Variants in ADGRA2 observed in about 807,000 individuals in gnomAD.
ADGRA2 encodes the protein adhesion G protein-coupled receptor A2, also known as G-protein coupled receptor 124.
Under a neutral mutation model 98.7 loss-of-function variants are expected in ADGRA2, and 61 were observed. That is an observed-to-expected ratio of 0.62 (90% CI 0.50 to 0.76). The LOEUF is 0.76. ADGRA2 is among the 30% of genes least tolerant of loss of function. The pLI is 0.00. For synonymous variants in ADGRA2, 858 were observed against 831.5 expected, an observed-to-expected ratio of 1.03 and a Z score of -0.55; for missense variants, 1,712 against 1,860.0, an observed-to-expected ratio of 0.92 and a Z score of 1.46.
chr8:37,839,184 C>T, intron 15 of ADGRA2, 101 bp downstream of exon 15: 1 of 1,494,842 alleles, frequency 6.7e-7, no homozygotes, highest in South Asian at 1.1e-5. Context: ...CTTTCAATTC[C>T]AGCTTTGCAA....
intron 1 of ADGRA2, among the ~76,000 whole-genome samples, chr8:37,810,581 T>C (rs989028330): frequency 2.0e-5 from 3 of 151,968 alleles, no homozygotes; most frequent in African/African-American, 7.2e-5. Context: ...CACTGCAGCC[T>C]CAAACTCCTG....
At chr8:37,801,962 C>G (rs1480072182) in intron 1 of ADGRA2, among the ~76,000 whole-genome samples, 3 of 152,244 alleles carry the variant, frequency 2.0e-5, no homozygotes, top group Non-Finnish European at 4.4e-5. Flanking sequence ...TTCCCCAGAA[C>G]AGGCAAACCC....
intron 2 of ADGRA2, among the ~76,000 whole-genome samples, chr8:37,825,287 C>A (rs1304554635): frequency 1.3e-5 from 2 of 152,088 alleles, no homozygotes; most frequent in Non-Finnish European, 2.9e-5. Context: ...GTCGTCCAGG[C>A]TGGCGTGCAG....
At chr8:37,807,816 T>A (rs567776466) in intron 1 of ADGRA2, among the ~76,000 whole-genome samples, 18 of 152,250 alleles carry the variant, frequency 1.2e-4, no homozygotes, top group Non-Finnish European at 2.6e-4. Flanking sequence ...CTAGGGAGTA[T>A]GGATATCCCA....
At chr8:37,801,353 C>T (rs1046508455) in intron 1 of ADGRA2, among the ~76,000 whole-genome samples, 1 of 152,184 alleles carries the variant, frequency 6.6e-6, no homozygotes, top group African/African-American at 2.4e-5. Flanking sequence ...TGCTTCTGAA[C>T]AGAGAGAGCA....
At chr8:37,818,978 G>C (rs780711688) in intron 2 of ADGRA2, among the ~76,000 whole-genome samples, 10 of 152,164 alleles carry the variant, frequency 6.6e-5, no homozygotes, top group Non-Finnish European at 1.3e-4. Flanking sequence ...GGAATGCCTG[G>C]GGAGTCTGAG....
At chr8:37,815,024 A>C (rs1009773304) in intron 2 of ADGRA2, 57 bp downstream of exon 2, 1,510 of 1,170,116 alleles carry the variant, frequency 1.3e-3, no homozygotes, top group Middle Eastern at 6.1e-3. Flanking sequence ...GCAAGAGGTC[A>C]CCCCGGGGAG....
Position 37,842,468 on chromosome 8 carries a change from C to A in ADGRA2, c.*113C>A, listed in dbSNP as rs1805837469. On this transcript the variant is annotated 3_prime_UTR_variant, in exon 19 of 19. Coordinates refer to ENST00000412232, the MANE Select transcript of ADGRA2 (RefSeq NM_032777.10). ...AGGTTGGAGGCAGAGGAGCCGATGG[C>A]TGGAGGAAGCCCACAGGCGGATGTT... 2 of 1,366,964 alleles carry A rather than the reference C, an allele frequency of 1.5e-6. No individual in the cohort carries two copies. The highest frequency in any genetic ancestry group is 1.9e-6 in the Non-Finnish European group (2 of 1,058,692). The allele number at this position is 1,366,964 out of a possible 1,614,324, so 84.7% of individuals were successfully genotyped here. A position where few individuals can be genotyped will look rare whatever the true frequency, so the allele number is the denominator to read the frequency against.
intron 1 of ADGRA2, among the ~76,000 whole-genome samples, chr8:37,804,100 G>GACAGAC (rs1804581590): frequency 9.3e-6 from 1 of 107,104 alleles, no homozygotes; most frequent in African/African-American, 3.7e-5. Flanking sequence ...CCCACGGTGA[G>GACAGAC]ACACACACAC....
chr8:37,838,858 C>T (rs1319860054), intron 14 of ADGRA2, 98 bp from the exon 15 acceptor site: 3 of 1,418,260 alleles, frequency 2.1e-6, no homozygotes, highest in Non-Finnish European at 2.9e-6. Flanking sequence ...CACCAAAGTG[C>T]AGGACCAAGG....
Position 37,839,061 on chromosome 8 carries a change from A to G in ADGRA2, c.2365A>G (p.Ile789Val). Reference protein sequence around the residue: ...LLLLCLFATIITYILNHSSIR... With the variant: ...LLLLCLFATIVTYILNHSSIR... ...GCTGCTCTGCCTCTTCGCCACCATC[A>G]TCACCTACATCCTCAACCACAGGTG... The change falls in exon 15 of 19, where the codon ATC (isoleucine) becomes GTC (valine). Residue 789 changes from isoleucine to valine, a missense_variant. Transcript: ENST00000412232. 6.2e-7 allele frequency: 1 copy of G among 1,609,442 alleles called. No individual in the cohort carries two copies. Among genetic ancestry groups the G allele is most frequent in the South Asian group, 1.1e-5 (1 of 90,200 alleles).
In ADGRA2 at chr8:37,814,725, G is replaced by A. The variant is rs138854247; in HGVS notation, c.267-171G>A. Among the ~76,000 whole-genome samples the A allele has an allele frequency of 6.6e-6, 1 of 152,314 alleles. No individual in the cohort carries two copies. The highest frequency in any genetic ancestry group is 2.4e-5 in the African/African-American group (1 of 41,572). Reference sequence around the variant, plus strand: ...GGTCTGACGTGGGGCTGGGTGGACCGTTGGCCAGCTTCTCCCTGTAATCTC... The same window carrying A: ...GGTCTGACGTGGGGCTGGGTGGACCATTGGCCAGCTTCTCCCTGTAATCTC... On this transcript the variant is annotated intron_variant, in intron 1 of 18. Coordinates refer to ENST00000412232, the MANE Select transcript of ADGRA2 (RefSeq NM_032777.10). The surrounding 1 kb of genome is among the most constrained non-coding windows in gnomAD (Gnocchi z 4.3).
rs1804927140 is a variant in ADGRA2, at chr8:37,814,650, A to C, written c.267-246A>C. Among the ~76,000 whole-genome samples, 2 of 152,210 alleles carry C rather than the reference A, an allele frequency of 1.3e-5. No homozygotes were observed. The highest frequency in any genetic ancestry group is 1.3e-4 in the Admixed American group (2 of 15,284). On this transcript the variant is annotated intron_variant, in intron 1 of 18. Transcript: ENST00000412232. The surrounding 1 kb of genome is among the most constrained non-coding windows in gnomAD (Gnocchi z 4.3). ...CCTGCTCAGCCCACCTCCCACCTGC[A>C]CACAGAGCCCCACGTCAGAGCCAGG...
intron 15 of ADGRA2, 63 bp downstream of exon 15, chr8:37,839,146 C>T (rs919054788): frequency 5.7e-6 from 9 of 1,583,596 alleles, no homozygotes; most frequent in South Asian, 1.1e-5. Context: ...CTACCCTGTC[C>T]ACTTCCCGTC....
rs1203446935 is a variant in ADGRA2 at position 37,834,183 on chromosome 8, CCT to C, written c.1608+59_1608+60del. On this transcript the variant is annotated intron_variant, in intron 11 of 18. Coordinates refer to ENST00000412232, the MANE Select transcript of ADGRA2 (RefSeq NM_032777.10). The surrounding 1 kb of genome is among the most constrained non-coding windows in gnomAD (Gnocchi z 4.2). ...TGGCATGCAGAGGAGGGAGGCGCTC[CCT>C]CTCAGGCGTGCACCTGCCGTGCCCC... The C allele has an allele frequency of 4.0e-6, 6 of 1,494,328 alleles. No individual in the cohort carries two copies. The highest frequency in any genetic ancestry group is 5.5e-6 in the Non-Finnish European group (6 of 1,098,892). 92.6% of individuals were successfully genotyped at this position (1,494,328 alleles called of 1,614,324 possible).
intron 1 of ADGRA2, among the ~76,000 whole-genome samples, chr8:37,805,194 C>T (rs903647953): frequency 6.6e-6 from 1 of 152,240 alleles, no homozygotes; most frequent in African/African-American, 2.4e-5. Context: ...CAAACATCCC[C>T]TCCATCCTGG....
In ADGRA2 at chr8:37,830,046, A is replaced by G; in HGVS notation, c.718+32A>G. On this transcript the variant is annotated intron_variant, in intron 6 of 18. Transcript: ENST00000412232. This position sits in a 1 kb window ranked among gnomAD's most constrained non-coding sequence, Gnocchi z 4.8. ...AAGTCCCCCCAGCTACACATCTCCC[A>G]GGGACCCTGCCTCTCCACCAACCCA... 6 of 1,440,626 alleles carry G rather than the reference A, an allele frequency of 4.2e-6. No homozygotes were observed. The highest frequency in any genetic ancestry group is 5.6e-6 in the Non-Finnish European group (6 of 1,079,042). 89.2% of individuals were successfully genotyped at this position (1,440,626 alleles called of 1,614,324 possible).
At chr8:37,809,880 TG>T (rs1287185658) in intron 1 of ADGRA2, among the ~76,000 whole-genome samples, 1 of 152,080 alleles carries the variant, frequency 6.6e-6, no homozygotes, top group Non-Finnish European at 1.5e-5. Context: ...CAGGGCAGCC[TG>T]GGGAGGGATG....
At chr8:37,827,836 T>C (rs770404066) in intron 2 of ADGRA2, among the ~76,000 whole-genome samples, 35 of 151,986 alleles carry the variant, frequency 2.3e-4, no homozygotes, top group Admixed American at 1.6e-3. Flanking sequence ...AAAACAGCCA[T>C]AAAAATACCC....
Sources: gnomAD v4.1 joint callset for allele counts (sites outside exome capture counted in the v4.1 genomes callset) on GRCh38, gnomAD v4.1.1 for gene constraint, Gnocchi (gnomAD v3.1) non-coding constraint, MANE v1.5 for transcripts, NCBI Gene and HGNC (gene_info 2026-07-23, HGNC 2026-07-21) for gene names.